Variants in HEMK2 observed in about 807,000 individuals in gnomAD.
HEMK2 encodes the protein methyltransferase HEMK2.
the HEMK2 span, among the ~76,000 whole-genome samples, chr21:28,745,045 T>C: frequency 6.6e-6 from 1 of 152,236 alleles, no homozygotes; most frequent in Non-Finnish European, 1.5e-5. Flanking sequence ...AACCGAAGTA[T>C]ACATACAGTA....
chr21:28,576,930 C>T, the HEMK2 span, among the ~76,000 whole-genome samples: 1 of 152,120 alleles, frequency 6.6e-6, no homozygotes, highest in Admixed American at 6.5e-5. Flanking sequence ...AGGCTGGTCT[C>T]GAACTCCTGA....
At chr21:28,634,003 A>G in the HEMK2 span, among the ~76,000 whole-genome samples, 3 of 152,206 alleles carry the variant, frequency 2.0e-5, no homozygotes, top group Non-Finnish European at 4.4e-5. Flanking sequence ...TGCCAGCTAC[A>G]GTGCCTGTTT....
chr21:28,590,011 A>G, the HEMK2 span, among the ~76,000 whole-genome samples: 1 of 152,248 alleles, frequency 6.6e-6, no homozygotes, highest in East Asian at 1.9e-4. Flanking sequence ...CCCCATGCAA[A>G]CACGCCCACA....
the HEMK2 span, among the ~76,000 whole-genome samples, chr21:28,822,362 A>C: frequency 6.6e-6 from 1 of 152,216 alleles, no homozygotes; most frequent in African/African-American, 2.4e-5. Flanking sequence ...AAGTCCTATT[A>C]CAATATTAAG....
At chr21:28,660,111 G>A in the HEMK2 span, among the ~76,000 whole-genome samples, 1 of 151,332 alleles carries the variant, frequency 6.6e-6, no homozygotes, top group Admixed American at 6.6e-5. Flanking sequence ...TCTTTCATTT[G>A]TTTTTTTCTA....
At chr21:28,802,634 G>A in the HEMK2 span, among the ~76,000 whole-genome samples, 1 of 152,324 alleles carries the variant, frequency 6.6e-6, no homozygotes, top group East Asian at 1.9e-4. Context: ...GGGAGGCAGA[G>A]GCAGGGGAAT....
the HEMK2 span, chr21:28,873,752 G>C: frequency 6.6e-6 from 1 of 152,180 alleles, no homozygotes; most frequent in Admixed American, 6.5e-5. Flanking sequence ...TGTCTATTGA[G>C]TTAGAGGCAT....
the HEMK2 span, among the ~76,000 whole-genome samples, chr21:28,610,339 A>T: frequency 6.6e-6 from 1 of 152,196 alleles, no homozygotes; most frequent in Non-Finnish European, 1.5e-5. Flanking sequence ...AGTCTTTTTC[A>T]GACAAACAAA....
the HEMK2 span, among the ~76,000 whole-genome samples, chr21:28,841,112 ATAT>A: frequency 9.0e-4 from 52 of 57,872 alleles, 8 homozygotes; most frequent in Non-Finnish European, 1.1e-3. Context: ...TATATAATAA[ATAT>A]TATATATAAT....
chr21:28,608,897 A>C, the HEMK2 span, among the ~76,000 whole-genome samples: 1 of 152,134 alleles, frequency 6.6e-6, no homozygotes, highest in African/African-American at 2.4e-5. Context: ...CACAGCAGCC[A>C]CAGCAAGCCC....
the HEMK2 span, among the ~76,000 whole-genome samples, chr21:28,601,847 A>G: frequency 6.6e-6 from 1 of 152,220 alleles, no homozygotes; most frequent in African/African-American, 2.4e-5. Flanking sequence ...AAAGTGTTAC[A>G]TAACATCATT....
the HEMK2 span, among the ~76,000 whole-genome samples, chr21:28,721,801 A>T: frequency 6.6e-6 from 1 of 151,942 alleles, no homozygotes; most frequent in African/African-American, 2.4e-5. Context: ...CATTTTGCAA[A>T]TGAAAAACTG....
chr21:28,762,930 T>C, the HEMK2 span, among the ~76,000 whole-genome samples: 1 of 152,150 alleles, frequency 6.6e-6, no homozygotes, highest in African/African-American at 2.4e-5. Flanking sequence ...TATTAAATTA[T>C]CTATGTAACT....
chr21:28,716,960 A>T, the HEMK2 span, among the ~76,000 whole-genome samples: 1 of 152,226 alleles, frequency 6.6e-6, no homozygotes, highest in Admixed American at 6.5e-5. Context: ...GCATCCCAAG[A>T]ATGAAGCCTA....
the HEMK2 span, among the ~76,000 whole-genome samples, chr21:28,849,387 A>T: frequency 6.6e-6 from 1 of 152,204 alleles, no homozygotes; most frequent in South Asian, 2.1e-4. Flanking sequence ...AAGGACATCA[A>T]CTTCAAAGAC....
the HEMK2 span, among the ~76,000 whole-genome samples, chr21:28,636,102 T>C: frequency 6.6e-6 from 1 of 152,168 alleles, no homozygotes; most frequent in Non-Finnish European, 1.5e-5. Flanking sequence ...AGTTCCTTCA[T>C]TCGGGACCTT....
the HEMK2 span, among the ~76,000 whole-genome samples, chr21:28,822,111 T>C: frequency 5.9e-5 from 9 of 152,308 alleles, no homozygotes; most frequent in South Asian, 1.9e-3. Flanking sequence ...GGACATTTTA[T>C]TCTGCTACAG....
At chr21:28,659,403 A>G in the HEMK2 span, among the ~76,000 whole-genome samples, 2 of 152,070 alleles carry the variant, frequency 1.3e-5, no homozygotes, top group African/African-American at 2.4e-5. Context: ...CAGAATTTTG[A>G]TAACCATTTT....
At chr21:28,847,906 A>G in the HEMK2 span, among the ~76,000 whole-genome samples, 2 of 152,074 alleles carry the variant, frequency 1.3e-5, no homozygotes, top group Non-Finnish European at 2.9e-5. Flanking sequence ...GCTACTGTTG[A>G]CTTTGTCAAA....
Sources: gnomAD v4.1 joint callset for allele counts (sites outside exome capture counted in the v4.1 genomes callset) on GRCh38, gnomAD v4.1.1 for gene constraint, MANE v1.5 for transcripts, NCBI Gene and HGNC (gene_info 2026-07-23, HGNC 2026-07-21) for gene names.